The following FAM222B variants were observed in gnomAD, a reference collection of about 807,000 sequenced individuals.
FAM222B encodes protein FAM222B.
Under a neutral mutation model 38.0 loss-of-function variants are expected in FAM222B, and 12 were observed. The observed-to-expected ratio is 0.32, with a 90% confidence interval of 0.20 to 0.51. FAM222B has a LOEUF of 0.51. FAM222B is among the 20% of genes least tolerant of loss of function. The pLI is 0.97. For missense variants in FAM222B, 716 were observed against 754.2 expected (o/e 0.95, Z 0.59); for synonymous variants, 329 against 317.2 (o/e 1.04, Z -0.40).
At chr17:28,790,229 C>T (rs1003215126) in intron 1 of FAM222B, 3 of 152,026 alleles carry the variant, frequency 2.0e-5, no homozygotes, top group Non-Finnish European at 1.5e-5. Flanking sequence ...AAAAGGAATG[C>T]AATATTTGTA....
At chr17:28,811,350 G>A (rs1355465656) in intron 1 of FAM222B, among the ~76,000 whole-genome samples, 1 of 152,108 alleles carries the variant, frequency 6.6e-6, no homozygotes, top group Non-Finnish European at 1.5e-5. Flanking sequence ...TAAGACAGGG[G>A]AATCGCTTGA....
At chr17:28,799,545 G>A (rs1171175750) in intron 1 of FAM222B, among the ~76,000 whole-genome samples, 7 of 146,688 alleles carry the variant, frequency 4.8e-5, no homozygotes, top group South Asian at 2.2e-4. Flanking sequence ...TCCTGACCTC[G>A]TGATCCGCCC....
chr17:28,796,287 A>G (rs1423439995), intron 1 of FAM222B, among the ~76,000 whole-genome samples: 1 of 152,232 alleles, frequency 6.6e-6, no homozygotes, highest in East Asian at 1.9e-4. Flanking sequence ...CTGCTTCTTC[A>G]ATCTGCAAAT....
intron 1 of FAM222B, among the ~76,000 whole-genome samples, chr17:28,779,677 G>A (rs569795244): frequency 1.5e-4 from 23 of 151,910 alleles, no homozygotes; most frequent in African/African-American, 4.8e-5. Flanking sequence ...CGTGAACCCC[G>A]GAGGCGGAGC....
chr17:28,757,871 T>C lies in FAM222B; in HGVS notation c.*399A>G, dbSNP rs11657641. The C allele has an allele frequency of 4.3e-3, 704 of 163,072 alleles. 6 individuals are homozygous for C. The highest frequency in any genetic ancestry group is 9.2e-3 in the Middle Eastern group (3 of 326). The allele number at this position is 163,072 out of a possible 1,614,324, so 10.1% of individuals were successfully genotyped here. ...GGAGGGGAAGGGGGGTAGCAACAGG[T>C]AGAGGTCTGGATTAGGGGCCTGAGC... is the stretch of plus-strand genomic sequence containing the variant. On this transcript the variant is annotated 3_prime_UTR_variant, in exon 3 of 3. Transcript: ENST00000581407.
intron 1 of FAM222B, among the ~76,000 whole-genome samples, chr17:28,799,763 C>T (rs2037132214): frequency 6.6e-6 from 1 of 152,058 alleles, no homozygotes; most frequent in Admixed American, 6.6e-5. Context: ...TGATTGCCAC[C>T]ACACTCAGGT....
chr17:28,820,525 T>C (rs2038173265), intron 1 of FAM222B, among the ~76,000 whole-genome samples: 1 of 152,162 alleles, frequency 6.6e-6, no homozygotes, highest in Non-Finnish European at 1.5e-5. Context: ...TGTGATGCTA[T>C]AAATATAGAC....
At chr17:28,760,114 A>G (rs543611183) in intron 2 of FAM222B, among the ~76,000 whole-genome samples, 6 of 152,356 alleles carry the variant, frequency 3.9e-5, no homozygotes, top group South Asian at 2.1e-4. Flanking sequence ...GGCCATCTCA[A>G]TGAATCCTCA....
At chr17:28,830,759 G>A (rs116712159) in intron 1 of FAM222B, among the ~76,000 whole-genome samples, 1,770 of 151,708 alleles carry the variant, frequency 0.012, 30 homozygotes, top group African/African-American at 0.041. Flanking sequence ...GCTGAGGTAA[G>A]CAGATGGCTT....
In FAM222B at chr17:28,758,814, C is replaced by G. The variant is rs777864354; in HGVS notation, c.1145G>C (p.Gly382Ala). 6.3e-7 allele frequency: 1 copy of G among 1,584,326 alleles called. No individual in the cohort carries two copies. Among genetic ancestry groups the G allele is most frequent in the Non-Finnish European group, 8.6e-7 (1 of 1,164,702 alleles). Reference protein sequence around the residue: ...HLQQMCSEASGTPAPGLTGKH... With the variant: ...HLQQMCSEASATPAPGLTGKH... ...GCCTGTCAGGCCAGGGGCTGGCGTC[C>G]CACTAGCCTCGCTGCACATCTGCTG... The change falls in exon 3 of 3, where the codon GGG becomes GCG. Residue 382 changes from glycine to alanine, a missense_variant. Gly to Ala is a moderately conservative substitution (Grantham distance 60). Transcript: ENST00000581407.
In FAM222B at chr17:28,831,136, A is replaced by T. The variant is rs1451881145; in HGVS notation, c.-41+11546T>A. ...CAGCCTCCTGAGTAGCTGGGACTAC[A>T]GGTGCTCACCACCATGCCCCACTAA... On this transcript the variant is annotated intron_variant, in intron 1 of 2. Transcript: ENST00000581407. 2.6e-5 allele frequency among the ~76,000 whole-genome samples: 4 copies of T among 152,044 alleles called. No homozygotes were observed. The East Asian group carries it at 7.8e-4, about 30-fold the overall frequency.
Position 28,759,338 on chromosome 17 carries a change from G to T in FAM222B, c.621C>A (p.Gly207=), listed in dbSNP as rs766609676. Residue 207 remains glycine (G), a synonymous_variant, in exon 3 of 3, where the codon GGC becomes GGA. Transcript: ENST00000581407. The surrounding 1 kb of genome is among the most constrained non-coding windows in gnomAD (Gnocchi z 4.8). The part of the protein sequence containing the change: ...GHPQPMAQTQ[G]LVHPQALAHQ... The stretch of plus-strand genomic sequence containing the variant: ...GAGCCAGGGCCTGAGGGTGGACCAA[G>T]CCCTGGGTTTGGGCCATGGGCTGAG... The T allele has an allele frequency of 1.9e-6, 3 of 1,610,434 alleles. No individual in the cohort carries two copies. Among genetic ancestry groups the T allele is most frequent in the Non-Finnish European group, 2.5e-6 (3 of 1,178,616 alleles).
intron 1 of FAM222B, among the ~76,000 whole-genome samples, chr17:28,837,948 C>T (rs539366542): frequency 2.6e-5 from 4 of 152,140 alleles, no homozygotes; most frequent in Non-Finnish European, 2.9e-5. Context: ...CCAACATGTC[C>T]GACCAATAAT....
intron 1 of FAM222B, among the ~76,000 whole-genome samples, chr17:28,796,900 G>A (rs1412242212): frequency 6.6e-6 from 1 of 151,482 alleles, no homozygotes; most frequent in African/African-American, 2.4e-5. Flanking sequence ...TAGGTTTTAA[G>A]GCAAGTAACA....
intron 1 of FAM222B, among the ~76,000 whole-genome samples, chr17:28,805,003 G>A (rs540396700): frequency 4.0e-5 from 6 of 151,544 alleles, no homozygotes; most frequent in Admixed American, 1.3e-4. Context: ...CCGAGATCAC[G>A]CCACTGCACT....
chr17:28,852,149 C>T (rs920586331), intron 1 of FAM222B, among the ~76,000 whole-genome samples: 48 of 151,510 alleles, frequency 3.2e-4, no homozygotes, highest in Admixed American at 2.5e-3. Context: ...GGGTGGATCA[C>T]GAGGTCAGGA....
At chr17:28,817,038 A>C (rs1182741524) in intron 1 of FAM222B, among the ~76,000 whole-genome samples, 1 of 152,116 alleles carries the variant, frequency 6.6e-6, no homozygotes, top group Non-Finnish European at 1.5e-5. Flanking sequence ...ATTAGACCCC[A>C]GAGACAAAAA....
intron 1 of FAM222B, among the ~76,000 whole-genome samples, chr17:28,837,756 G>A (rs554502896): frequency 6.6e-6 from 1 of 151,628 alleles, no homozygotes. Flanking sequence ...GGATTCAAGC[G>A]ATTCTCCCGC....
intron 1 of FAM222B, among the ~76,000 whole-genome samples, chr17:28,778,719 A>ATATATATATATAT (rs1411311023): frequency 3.9e-5 from 1 of 25,486 alleles, no homozygotes; most frequent in African/African-American, 1.5e-4. Context: ...ATATATATAT[A>ATATATATATATAT]TTTTTTTTTT....
Sources: gnomAD v4.1 joint callset for allele counts (sites outside exome capture counted in the v4.1 genomes callset) on GRCh38, gnomAD v4.1.1 for gene constraint, Gnocchi (gnomAD v3.1) non-coding constraint, MANE v1.5 for transcripts, NCBI Gene and HGNC (gene_info 2026-07-23, HGNC 2026-07-21) for gene names.